IL1RAPL2: variants seen among roughly 807,000 people sequenced by gnomAD.
IL1RAPL2 encodes the protein X-linked interleukin-1 receptor accessory protein-like 2.
A neutral mutation model predicts 44.1 loss-of-function variants in IL1RAPL2; 3 were observed. The ratio of observed to expected loss-of-function variants is 0.07; its 90% CI spans 0.03 to 0.18. The LOEUF (loss-of-function observed/expected upper bound fraction) is 0.18, where lower values mean the gene tolerates loss of function less well. Among genes scored for constraint, IL1RAPL2 ranks in the 10% least tolerant of loss-of-function variants. IL1RAPL2 has a pLI of 1.00. For synonymous variants in IL1RAPL2, 181 were observed against 178.8 expected, an observed-to-expected ratio of 1.01 and a Z score of -0.10; for missense variants, 391 against 496.4, an observed-to-expected ratio of 0.79 and a Z score of 2.02.
Position 104,658,304 on chromosome X carries a change from T to A in IL1RAPL2, c.-19-591T>A, listed in dbSNP as rs781388792. Among the ~76,000 whole-genome samples, 6 of 112,276 alleles carry A rather than the reference T, an allele frequency of 5.3e-5. No homozygotes were observed. The East Asian group carries it at 1.7e-3, about 32-fold the overall frequency. On this transcript the variant is annotated intron_variant, in intron 1 of 10. Transcript: ENST00000372582. The stretch of plus-strand genomic sequence containing the variant: ...GCAGCCATATAAAAGGATGAGTTTA[T>A]GTCCTTTGTAGGGACATGGATGAAG...
intron 7 of IL1RAPL2, among the ~76,000 whole-genome samples, chrX:105,728,586 C>T (rs1296516307): frequency 9.0e-6 from 1 of 111,239 alleles, no homozygotes; most frequent in Non-Finnish European, 1.9e-5. Flanking sequence ...TAAGAGGATA[C>T]ATTTTTTTTT....
chrX:104,684,061 T>C (rs1930938243), intron 2 of IL1RAPL2, among the ~76,000 whole-genome samples: 1 of 111,520 alleles, frequency 9.0e-6, no homozygotes, highest in Non-Finnish European at 1.9e-5. Flanking sequence ...CAATCGATTG[T>C]TTACTATAAG....
At chrX:104,754,361 C>T (rs1228482930) in intron 2 of IL1RAPL2, among the ~76,000 whole-genome samples, 3 of 111,694 alleles carry the variant, frequency 2.7e-5, no homozygotes, top group African/African-American at 9.7e-5. Context: ...GAAAATGTGG[C>T]TACTGGGTAT....
chrX:105,447,217 AAAATATATATAAATATATATATAAATAT>A (rs2035968321), intron 5 of IL1RAPL2, among the ~76,000 whole-genome samples: 3 of 801 alleles, frequency 3.7e-3, no homozygotes, highest in African/African-American at 6.6e-3. Flanking sequence ...AAATATATAT[AAAATATATATAAATATATATATAAATAT>A]AAATATATAT....
chrX:105,714,208 C>T (rs1240667126), intron 6 of IL1RAPL2, among the ~76,000 whole-genome samples: 2 of 111,660 alleles, frequency 1.8e-5, no homozygotes, highest in Non-Finnish European at 3.8e-5. Context: ...TACCAACATT[C>T]TGGTCATAAC....
intron 5 of IL1RAPL2, among the ~76,000 whole-genome samples, chrX:105,294,056 A>G (rs2034636675): frequency 8.9e-6 from 1 of 112,484 alleles, no homozygotes; most frequent in Non-Finnish European, 1.9e-5. Context: ...GTGAAAAACA[A>G]TGAGGAACGT....
intron 2 of IL1RAPL2, among the ~76,000 whole-genome samples, chrX:105,052,930 G>A (rs2031947001): frequency 9.0e-6 from 1 of 110,589 alleles, no homozygotes. Flanking sequence ...GTGTCCAAGT[G>A]TTCTGATTGT....
At chrX:105,430,992 C>T (rs888959824) in intron 5 of IL1RAPL2, among the ~76,000 whole-genome samples, 9 of 111,764 alleles carry the variant, frequency 8.1e-5, no homozygotes, top group Admixed American at 2.9e-4. Flanking sequence ...AGCATGCTAC[C>T]GACTCTGCAA....
At chrX:105,295,449 T>C (rs1418753378) in intron 5 of IL1RAPL2, among the ~76,000 whole-genome samples, 5 of 111,996 alleles carry the variant, frequency 4.5e-5, no homozygotes, top group Non-Finnish European at 9.4e-5. Flanking sequence ...TCTTGGTAGA[T>C]GATTAGACAG....
intron 2 of IL1RAPL2, among the ~76,000 whole-genome samples, chrX:104,767,140 A>C (rs779563288): frequency 2.1e-4 from 24 of 111,757 alleles, no homozygotes; most frequent in Non-Finnish European, 4.3e-4. Flanking sequence ...AGAACCAGTG[A>C]GTTTCTGGGG....
At chrX:104,700,583 C>A (rs1931258504) in intron 2 of IL1RAPL2, among the ~76,000 whole-genome samples, 1 of 112,037 alleles carries the variant, frequency 8.9e-6, no homozygotes, top group Admixed American at 9.5e-5. Context: ...GTTCACATTT[C>A]TAAAAGGCAG....
At chrX:104,955,796 A>C (rs959611443) in intron 2 of IL1RAPL2, among the ~76,000 whole-genome samples, 1 of 111,126 alleles carries the variant, frequency 9.0e-6, no homozygotes, top group Non-Finnish European at 1.9e-5. Context: ...AACCGCTTCT[A>C]TAGCTCATCC....
chrX:105,308,289 A>C (rs958863132), intron 5 of IL1RAPL2, among the ~76,000 whole-genome samples: 1 of 112,045 alleles, frequency 8.9e-6, no homozygotes, highest in Non-Finnish European at 1.9e-5. Context: ...AGAATTGCTA[A>C]TCCATTCCTC....
intron 2 of IL1RAPL2, among the ~76,000 whole-genome samples, chrX:104,676,837 C>T (rs779795911): frequency 9.0e-6 from 1 of 111,690 alleles, no homozygotes; most frequent in African/African-American, 3.3e-5. Flanking sequence ...CTTCTCTCTT[C>T]ATTTCATTCA....
At chrX:105,439,986 A>G (rs977002764) in intron 5 of IL1RAPL2, among the ~76,000 whole-genome samples, 9 of 112,116 alleles carry the variant, frequency 8.0e-5, no homozygotes, top group African/African-American at 2.9e-4. Flanking sequence ...TTCACAGCTA[A>G]ATTGAAACAT....
intron 2 of IL1RAPL2, among the ~76,000 whole-genome samples, chrX:105,080,719 A>C (rs1244335272): frequency 9.0e-6 from 1 of 111,647 alleles, no homozygotes; most frequent in South Asian, 3.8e-4. Flanking sequence ...TTGGTTCCGT[A>C]GGAAATTGAA....
chrX:105,592,753 G>A (rs1260091732), intron 6 of IL1RAPL2, among the ~76,000 whole-genome samples: 2 of 111,758 alleles, frequency 1.8e-5, no homozygotes, highest in Non-Finnish European at 3.8e-5. Flanking sequence ...GTTGAATATA[G>A]AACCTCAATC....
chrX:104,586,146 G>A (rs763765390), intron 1 of IL1RAPL2, among the ~76,000 whole-genome samples: 80 of 111,675 alleles, frequency 7.2e-4, no homozygotes, highest in Non-Finnish European at 1.1e-3. Context: ...TCTGACTAGC[G>A]TGAGATGGTA....
intron 2 of IL1RAPL2, among the ~76,000 whole-genome samples, chrX:104,783,440 C>G (rs1932784237): frequency 9.0e-6 from 1 of 110,690 alleles, no homozygotes; most frequent in Admixed American, 9.8e-5. Flanking sequence ...TGTCTTAGCC[C>G]AAGGGAACAA....
Sources: allele counts gnomAD v4.1 joint callset (sites outside exome capture counted in the v4.1 genomes callset), GRCh38; gene constraint gnomAD v4.1.1; transcripts MANE v1.5; gene names NCBI Gene and HGNC (gene_info 2026-07-23, HGNC 2026-07-21).